Variants in LRFN5 observed in about 807,000 individuals in gnomAD.
The protein encoded by LRFN5 is leucine rich repeat and fibronectin type III domain containing 5.
LRFN5 carries 24 observed loss-of-function variants against 45.6 expected under a neutral mutation model. The observed-to-expected ratio is 0.53, with a 90% CI of 0.38 to 0.74. LRFN5 has a LOEUF of 0.74. Ranked by LOEUF, LRFN5 falls within the 30% of genes least tolerant of loss-of-function variation. The pLI is 0.00. For missense variants in LRFN5, 776 were observed against 861.5 expected, an observed-to-expected ratio of 0.90 and a Z score of 1.24; for synonymous variants, 340 against 313.8, an observed-to-expected ratio of 1.08 and a Z score of -0.88.
intron 1 of LRFN5, among the ~76,000 whole-genome samples, chr14:41,754,328 T>C (rs4904769): frequency 0.76 from 115,348 of 151,958 alleles, 44,154 homozygotes; most frequent in East Asian, 0.97. Context: ...AGAATAGTTT[T>C]AGAAGGAATG....
At chr14:41,763,971 A>G (rs115222392) in intron 1 of LRFN5, among the ~76,000 whole-genome samples, 1,737 of 152,308 alleles carry the variant, frequency 0.011, 33 homozygotes, top group African/African-American at 0.039. Context: ...ACAACTTGGA[A>G]CTAAGAAATT....
intron 1 of LRFN5, among the ~76,000 whole-genome samples, chr14:41,676,355 T>C (rs928524802): frequency 6.6e-6 from 1 of 152,036 alleles, no homozygotes; most frequent in Non-Finnish European, 1.5e-5. Context: ...TGGCTCTGCC[T>C]AGAAAAAAAA....
In LRFN5 at chr14:41,607,532, T is replaced by G. The variant is rs1180948680; in HGVS notation, c.-1227T>G. The G allele has an allele frequency of 6.6e-6, 1 of 152,154 alleles. No individual in the cohort carries two copies. Among genetic ancestry groups the G allele is most frequent in the Non-Finnish European group, 1.5e-5 (1 of 68,052 alleles). 9.4% of individuals were successfully genotyped at this position (152,154 alleles called of 1,614,324 possible). A position where few individuals can be genotyped will look rare whatever the true frequency, so the allele number is the denominator to read the frequency against. On this transcript the variant is annotated 5_prime_UTR_variant, in exon 1 of 6. Transcript: ENST00000298119. ...CGCTTTCCAGCTAGCTGCGTGTGTG[T>G]GTGCGCGCGCGTGTGTACGCGCGCG...
intron 2 of LRFN5, 121 bp from the exon 3 acceptor site, chr14:41,886,485 T>G (rs1890576242): frequency 1.4e-6 from 1 of 690,924 alleles, no homozygotes; most frequent in Non-Finnish European, 2.3e-6. Flanking sequence ...TAATACTTGT[T>G]AAGCAAACAA....
At chr14:41,894,935 TTTG>T in intron 4 of LRFN5, 13 of 983,422 alleles carry the variant, frequency 1.3e-5, no homozygotes, top group Non-Finnish European at 1.4e-5. Flanking sequence ...TGGTTTGCTG[TTTG>T]TTGTTTCTGA....
In LRFN5 at chr14:41,730,701, G is replaced by T. The variant is rs189655911; in HGVS notation, c.-196-36153G>T. On this transcript the variant is annotated intron_variant, in intron 1 of 5. Coordinates refer to ENST00000298119, the MANE Select transcript of LRFN5 (RefSeq NM_152447.5). ...AATGATTTTTCTGTTTTAGAGCCTT[G>T]GTTCTTTTCAGTCCTTTAATTTGCC... is the stretch of plus-strand genomic sequence containing the variant. Among the ~76,000 whole-genome samples, 57 of 151,482 alleles carry T rather than the reference G, an allele frequency of 3.8e-4. 1 individual carries two copies. In the East Asian group the frequency reaches 8.5e-3, roughly 23 times the overall value.
chr14:41,773,075 T>G (rs1425781018), intron 2 of LRFN5, among the ~76,000 whole-genome samples: 4 of 152,202 alleles, frequency 2.6e-5, no homozygotes, highest in Non-Finnish European at 5.9e-5. Flanking sequence ...TAAAGACCAT[T>G]ATTCTTAGAC....
At chr14:41,663,270 A>C (rs1051389947) in intron 1 of LRFN5, among the ~76,000 whole-genome samples, 1 of 152,118 alleles carries the variant, frequency 6.6e-6, no homozygotes, top group Non-Finnish European at 1.5e-5. Context: ...TTCAGAGTTC[A>C]GATAGGTGTT....
intron 1 of LRFN5, among the ~76,000 whole-genome samples, chr14:41,695,199 A>C (rs774932680): frequency 6.6e-6 from 1 of 151,972 alleles, no homozygotes; most frequent in African/African-American, 2.4e-5. Flanking sequence ...TGTCAATTCT[A>C]TGAAGACTGA....
chr14:41,666,581 T>G (rs913328394), intron 1 of LRFN5, among the ~76,000 whole-genome samples: 4 of 152,152 alleles, frequency 2.6e-5, no homozygotes, highest in African/African-American at 4.8e-5. Context: ...CACATTTATG[T>G]GGAAAAATGC....
At chr14:41,795,413 G>A (rs575580481) in intron 2 of LRFN5, among the ~76,000 whole-genome samples, 1 of 151,936 alleles carries the variant, frequency 6.6e-6, no homozygotes, top group Admixed American at 6.6e-5. Flanking sequence ...TTGACCCAGC[G>A]ATCCCATTAC....
intron 2 of LRFN5, among the ~76,000 whole-genome samples, chr14:41,812,585 CAT>C (rs1407081666): frequency 4.6e-5 from 7 of 151,666 alleles, no homozygotes; most frequent in Admixed American, 1.3e-4. Context: ...ACTTCAGCCA[CAT>C]GTCAGAAGTA....
intron 1 of LRFN5, among the ~76,000 whole-genome samples, chr14:41,681,884 T>C (rs910875741): frequency 6.6e-6 from 1 of 151,404 alleles, no homozygotes; most frequent in Admixed American, 6.6e-5. Flanking sequence ...AGTGGCCCGA[T>C]CTCTGCTCTC....
At chr14:41,895,207 G>A (rs1890899239) in intron 4 of LRFN5, among the ~76,000 whole-genome samples, 1 of 152,112 alleles carries the variant, frequency 6.6e-6, no homozygotes, top group Admixed American at 6.5e-5. Context: ...GTGTCATAAA[G>A]GGATAATGAA....
chr14:41,756,438 A>G (rs1293613343), intron 1 of LRFN5, among the ~76,000 whole-genome samples: 1 of 152,134 alleles, frequency 6.6e-6, no homozygotes, highest in Non-Finnish European at 1.5e-5. Context: ...ACATAGTCCC[A>G]TATTTCTTGG....
chr14:41,816,507 T>A (rs567460074), intron 2 of LRFN5, among the ~76,000 whole-genome samples: 86 of 152,114 alleles, frequency 5.7e-4, no homozygotes, highest in African/African-American at 1.5e-3. Flanking sequence ...TCTGAGGGAG[T>A]CCTTATTTCT....
intron 2 of LRFN5, among the ~76,000 whole-genome samples, chr14:41,846,235 A>ACACACACG (rs1448605423): frequency 4.7e-5 from 7 of 148,880 alleles, no homozygotes; most frequent in African/African-American, 1.5e-4. Flanking sequence ...ACACACACGC[A>ACACACACG]CACACACACT....
At chr14:41,699,684 C>G (rs1882758811) in intron 1 of LRFN5, 1 of 152,102 alleles carries the variant, frequency 6.6e-6, no homozygotes, top group South Asian at 2.1e-4. Flanking sequence ...GTGACACTAA[C>G]ACTCCGTGGA....
intron 1 of LRFN5, among the ~76,000 whole-genome samples, chr14:41,716,520 G>A (rs10143363): frequency 0.02 from 3,096 of 152,106 alleles, 92 homozygotes; most frequent in African/African-American, 0.071. Context: ...TAGGGCAGGG[G>A]CAAAATGCTG....
Sources: allele counts gnomAD v4.1 joint callset (sites outside exome capture counted in the v4.1 genomes callset), GRCh38; gene constraint gnomAD v4.1.1; transcripts MANE v1.5; gene names NCBI Gene and HGNC (gene_info 2026-07-23, HGNC 2026-07-21).